PHF20L1: variants seen among roughly 807,000 people sequenced by gnomAD.
PHF20L1 encodes the protein PHD finger protein 20-like protein 1.
A neutral mutation model predicts 125.5 loss-of-function variants in PHF20L1; 44 were observed. The observed-to-expected ratio is 0.35, with a 90% confidence interval of 0.28 to 0.45. The LOEUF (loss-of-function observed/expected upper bound fraction) is 0.45. PHF20L1 is among the 20% of genes least tolerant of loss of function. The pLI is 1.00. For synonymous variants in PHF20L1, 380 were observed against 403.1 expected (o/e 0.94, Z 0.69); for missense variants, 1,012 against 1,217.2 (o/e 0.83, Z 2.51).
Position 132,836,536 on chromosome 8 carries a change from C to G in PHF20L1, c.1910-4C>G. ...TCTAAGTATACTTTTTGTATATATT[C>G]TAGACTTATCAGATGTAGACTTCCT... On this transcript the variant is annotated splice_region_variant and splice_polypyrimidine_tract_variant and intron_variant, in intron 15 of 20. Coordinates refer to ENST00000395386, the MANE Select transcript of PHF20L1 (RefSeq NM_016018.5). The G allele has an allele frequency of 6.3e-7, 1 of 1,586,834 alleles. No homozygotes were observed. Among genetic ancestry groups the G allele is most frequent in the Non-Finnish European group, 8.6e-7 (1 of 1,157,256 alleles).
chr8:132,843,069 A>T, intron 19 of PHF20L1, 194 bp downstream of exon 19: 4 of 1,316,284 alleles, frequency 3.0e-6, no homozygotes, highest in Non-Finnish European at 3.9e-6. Flanking sequence ...TTATCTCCTA[A>T]TTCAGAATTG....
chr8:132,794,250 CAATA>C (rs1467568067), intron 2 of PHF20L1, among the ~76,000 whole-genome samples, 156 bp from the exon 3 acceptor site: 5 of 152,018 alleles, frequency 3.3e-5, no homozygotes, highest in Non-Finnish European at 7.4e-5. Context: ...TTTATAAAGA[CAATA>C]AAGCAGAGTT....
At chr8:132,810,180 G>C (rs1395593718) in intron 8 of PHF20L1, 1 of 151,874 alleles carries the variant, frequency 6.6e-6, no homozygotes, top group Non-Finnish European at 1.5e-5. Context: ...GAGTAGCTTG[G>C]ATTATAGGTG....
At chr8:132,814,306 G>T (rs777935692) in intron 9 of PHF20L1, among the ~76,000 whole-genome samples, 8 of 151,664 alleles carry the variant, frequency 5.3e-5, no homozygotes, top group Non-Finnish European at 8.8e-5. Context: ...ATTGTCATTG[G>T]CAATTATGGT....
Position 132,794,382 on chromosome 8 carries a change from C to G in PHF20L1, c.84-28C>G, listed in dbSNP as rs1563793109. On this transcript the variant is annotated intron_variant, in intron 2 of 20. Transcript: ENST00000395386. ...GTATAAACAAATATAAGGATTTTCT[C>G]TTTATATGAAGCATTTTGATTTTTG... is the stretch of plus-strand genomic sequence containing the variant. The G allele has an allele frequency of 2.1e-6, 3 of 1,441,510 alleles. No homozygotes were observed. The African/African-American group carries it at 4.2e-5, about 20-fold the overall frequency. 89.3% of individuals were successfully genotyped at this position (1,441,510 alleles called of 1,614,324 possible). A position where few individuals can be genotyped will look rare whatever the true frequency, so the allele number is the denominator to read the frequency against.
intron 14 of PHF20L1, among the ~76,000 whole-genome samples, chr8:132,829,007 A>C (rs529373265): frequency 2.6e-5 from 4 of 152,170 alleles, no homozygotes; most frequent in Non-Finnish European, 5.9e-5. Flanking sequence ...AAAAGTTGGT[A>C]TGATCAAGGA....
chr8:132,777,367 A>G (rs1829930557), intron 1 of PHF20L1, among the ~76,000 whole-genome samples: 1 of 152,124 alleles, frequency 6.6e-6, no homozygotes, highest in East Asian at 1.9e-4. Context: ...TGTTGAAATT[A>G]AAAATTGATT....
intron 2 of PHF20L1, among the ~76,000 whole-genome samples, chr8:132,792,810 T>A (rs1173334695): frequency 1.3e-5 from 2 of 152,176 alleles, no homozygotes; most frequent in Non-Finnish European, 2.9e-5. Context: ...TACATTTTCG[T>A]GATAAAAGGG....
At position 132,836,650 on chromosome 8, in the gene PHF20L1, G is replaced by A. The variant is rs1206472666; in HGVS notation, c.2020G>A (p.Glu674Lys). The change falls in exon 16 of 21, where the codon GAG (glutamate) becomes AAG (lysine). Residue 674 changes from glutamate to lysine, a missense_variant. By Grantham distance (56) the Glu-to-Lys change is moderately conservative. This residue lies in a region of PHF20L1 where 320 missense variants were observed against 293.8 expected (regional missense o/e 1.09). Coordinates refer to ENST00000395386, the MANE Select transcript of PHF20L1 (RefSeq NM_016018.5). ...DSTNFEESQD[E>K]DDALNEIVRC... ...AACCAATTTTGAGGAATCTCAGGAT[G>A]AGGATGATGCTCTTAATGAAATTGT... The A allele has an allele frequency of 1.9e-6, 3 of 1,613,162 alleles. No individual in the cohort carries two copies. The highest frequency in any genetic ancestry group is 4.5e-5 in the East Asian group (2 of 44,836).
In PHF20L1 at chr8:132,816,893, C is replaced by T. The variant is rs1157369118; in HGVS notation, c.1189C>T (p.Pro397Ser). ...CATTGAAGATCTTTTTCTAGGTCCT[C>T]CACAGCCTGTGAATCCCCCTAGACC... ...SSSVINKTSP[P>S]QPVNPPRPFK... The change falls in exon 11 of 21, where the codon CCA becomes TCA. Residue 397 changes from proline to serine, a missense_variant. Around this residue, in one of 7 missense-constraint regions of PHF20L1, gnomAD observed 119 missense variants for 160.2 expected, o/e 0.74. Coordinates refer to ENST00000395386, the MANE Select transcript of PHF20L1 (RefSeq NM_016018.5). 1.2e-6 allele frequency: 2 copies of T among 1,609,896 alleles called. No homozygotes were observed. The highest frequency in any genetic ancestry group is 1.3e-5 in the African/African-American group (1 of 74,616).
chr8:132,812,933 T>A (rs1346876808), intron 9 of PHF20L1: 1 of 954,958 alleles, frequency 1.0e-6, no homozygotes, highest in Non-Finnish European at 1.2e-6. Context: ...AATTCTCAGC[T>A]TATTAATTAT....
At chr8:132,826,168 T>A (rs1563836098) in intron 14 of PHF20L1, 1 of 152,084 alleles carries the variant, frequency 6.6e-6, no homozygotes, top group Non-Finnish European at 1.5e-5. Context: ...AACAATGTGT[T>A]AAAAGGATAT....
Position 132,845,958 on chromosome 8 carries a change from C to A in PHF20L1, c.*35C>A, listed in dbSNP as rs536170584. On this transcript the variant is annotated 3_prime_UTR_variant, in exon 21 of 21. Transcript: ENST00000395386. ...ACACTTAATGAAAGAATGTGGCTTT[C>A]TTCAGTCAAAGCATTTTTATTATCC... 2 of 1,567,774 alleles carry A rather than the reference C, an allele frequency of 1.3e-6. No homozygotes were observed. Among genetic ancestry groups the A allele is most frequent in the East Asian group, 2.3e-5 (1 of 44,290 alleles).
intron 15 of PHF20L1, among the ~76,000 whole-genome samples, chr8:132,836,165 A>G (rs891833241): frequency 3.3e-5 from 5 of 152,160 alleles, no homozygotes; most frequent in African/African-American, 1.2e-4. Flanking sequence ...CACTGATACT[A>G]TGAAATCACA....
chr8:132,792,553 T>C (rs1056555464), intron 2 of PHF20L1, among the ~76,000 whole-genome samples: 1 of 152,236 alleles, frequency 6.6e-6, no homozygotes, highest in Admixed American at 6.5e-5. Flanking sequence ...TTCTTAGTTC[T>C]GAAGAAATGA....
chr8:132,834,921 T>C, intron 15 of PHF20L1, among the ~76,000 whole-genome samples: 1 of 152,014 alleles, frequency 6.6e-6, no homozygotes. Flanking sequence ...GAAAACTTTA[T>C]TTTTCTATAA....
intron 13 of PHF20L1, chr8:132,824,618 T>G (rs1835953033): frequency 6.2e-6 from 1 of 162,068 alleles, no homozygotes; most frequent in Admixed American, 5.8e-5. Context: ...GCTAGTAGGA[T>G]ATGTGTGATG....
At chr8:132,790,058 A>G (rs1831496858) in intron 2 of PHF20L1, among the ~76,000 whole-genome samples, 1 of 152,184 alleles carries the variant, frequency 6.6e-6, no homozygotes, top group East Asian at 1.9e-4. Context: ...ATTGTGCCTA[A>G]TCACTATTCT....
intron 6 of PHF20L1, chr8:132,803,483 C>A: frequency 5.0e-6 from 1 of 200,912 alleles, no homozygotes; most frequent in South Asian, 1.1e-4. Context: ...ACATTTGAGC[C>A]CTAAAATACT....
Sources: allele counts gnomAD v4.1 joint callset (sites outside exome capture counted in the v4.1 genomes callset), GRCh38; gene constraint gnomAD v4.1.1; regional missense constraint gnomAD v4.1.1; transcripts MANE v1.5; gene names NCBI Gene and HGNC (gene_info 2026-07-23, HGNC 2026-07-21).